Variants in NRG3 observed in about 807,000 individuals in gnomAD.
The protein encoded by NRG3 is pro-neuregulin-3, membrane-bound isoform.
A neutral mutation model predicts 66.9 loss-of-function variants in NRG3; 31 were observed. The observed-to-expected ratio is 0.46, with a 90% CI of 0.35 to 0.63. NRG3 has a LOEUF of 0.63. NRG3 is among the 20% of genes least tolerant of loss of function. The pLI, the probability that NRG3 is intolerant of heterozygous loss-of-function variation, is 0.00. For synonymous variants in NRG3, 393 were observed against 359.4 expected (o/e 1.09, Z -1.06); for missense variants, 910 against 878.9 (o/e 1.04, Z -0.45).
In NRG3 at chr10:82,365,136, A is replaced by C. The variant is rs149736826; in HGVS notation, c.953+6268A>C. Among the ~76,000 whole-genome samples the C allele has an allele frequency of 2.2e-3, 330 of 152,306 alleles. 2 individuals are homozygous for C. Among genetic ancestry groups the C allele is most frequent in the African/African-American group, 7.4e-3 (308 of 41,572 alleles). On this transcript the variant is annotated intron_variant, in intron 2 of 8. Coordinates refer to ENST00000372141, the MANE Select transcript of NRG3 (RefSeq NM_001010848.4). ...TGGAGGTCCATTAGCTCTTCCATTC[A>C]GTGAGGGTCCTCTATATCAAATGGT... is the stretch of plus-strand genomic sequence containing the variant.
At chr10:81,941,990 G>C (rs1320884948) in intron 1 of NRG3, among the ~76,000 whole-genome samples, 1 of 152,218 alleles carries the variant, frequency 6.6e-6, no homozygotes, top group East Asian at 1.9e-4. Context: ...CATTTTAGAA[G>C]TCATTTTATC....
chr10:82,190,050 A>G (rs2074046080), intron 1 of NRG3, among the ~76,000 whole-genome samples: 1 of 152,176 alleles, frequency 6.6e-6, no homozygotes, highest in South Asian at 2.1e-4. Flanking sequence ...TATGGCATGC[A>G]GTTCAGAACG....
At chr10:82,494,743 A>G (rs1159572717) in intron 2 of NRG3, among the ~76,000 whole-genome samples, 2 of 152,032 alleles carry the variant, frequency 1.3e-5, no homozygotes, top group African/African-American at 4.8e-5. Context: ...CTTTGTTAAT[A>G]ATCAGTGTGT....
chr10:82,916,472 G>A (rs1845838192), intron 4 of NRG3, among the ~76,000 whole-genome samples: 1 of 151,834 alleles, frequency 6.6e-6, no homozygotes, highest in Non-Finnish European at 1.5e-5. Context: ...AAAGGTGGGG[G>A]AACAAAAATA....
intron 1 of NRG3, among the ~76,000 whole-genome samples, chr10:82,189,949 C>T (rs576126809): frequency 1.4e-4 from 22 of 151,900 alleles, no homozygotes; most frequent in Admixed American, 5.2e-4. Flanking sequence ...GACAACAGAG[C>T]GAGACCCCGC....
At chr10:82,469,981 A>G (rs1841089259) in intron 2 of NRG3, among the ~76,000 whole-genome samples, 1 of 152,146 alleles carries the variant, frequency 6.6e-6, no homozygotes, top group Non-Finnish European at 1.5e-5. Context: ...CACCTAGTCA[A>G]TTGTACAAAA....
chr10:81,975,351 ATC>A (rs1554873708), intron 1 of NRG3, among the ~76,000 whole-genome samples: 5 of 151,744 alleles, frequency 3.3e-5, no homozygotes, highest in Non-Finnish European at 7.4e-5. Context: ...CTATCTATCT[ATC>A]TATCTATCTA....
At chr10:82,057,276 C>G (rs12765720) in intron 1 of NRG3, among the ~76,000 whole-genome samples, 3 of 151,142 alleles carry the variant, frequency 2.0e-5, no homozygotes, top group East Asian at 2.0e-4. Flanking sequence ...TTATCAAATA[C>G]GTATGTATAA....
chr10:82,093,813 AG>A (rs1224540111), intron 1 of NRG3, among the ~76,000 whole-genome samples: 1 of 152,196 alleles, frequency 6.6e-6, no homozygotes, highest in Non-Finnish European at 1.5e-5. Context: ...AGAACCTGTC[AG>A]GGGAGATAAT....
intron 1 of NRG3, among the ~76,000 whole-genome samples, chr10:82,194,870 C>A (rs2133392883): frequency 6.6e-6 from 1 of 152,276 alleles, no homozygotes; most frequent in Non-Finnish European, 1.5e-5. Flanking sequence ...AGGTTGATCT[C>A]TTTTTCCACA....
At chr10:82,807,565 T>C (rs1394809405) in intron 3 of NRG3, among the ~76,000 whole-genome samples, 1 of 152,186 alleles carries the variant, frequency 6.6e-6, no homozygotes, top group Non-Finnish European at 1.5e-5. Context: ...TCCTTTCTTG[T>C]TGGAATTTAA....
At chr10:82,170,334 G>A (rs2072470152) in intron 1 of NRG3, among the ~76,000 whole-genome samples, 1 of 151,916 alleles carries the variant, frequency 6.6e-6, no homozygotes, top group African/African-American at 2.4e-5. Context: ...CAAGCATGTG[G>A]CCGGGTCTTC....
In NRG3 at chr10:82,261,553, G is replaced by A. The variant is rs147783953; in HGVS notation, c.824-97186G>A. On this transcript the variant is annotated intron_variant, in intron 1 of 8. Transcript: ENST00000372141. ...AATATAGAGTGTGGAGTGGGATCAGGGGACTGACAGCCTTCAGAGCTGAGA... is the reference window on the plus strand; with the variant it reads ...AATATAGAGTGTGGAGTGGGATCAGAGGACTGACAGCCTTCAGAGCTGAGA... Among the ~76,000 whole-genome samples, 65 of 152,290 alleles carry A rather than the reference G, an allele frequency of 4.3e-4. No homozygotes were observed. The East Asian group carries it at 0.011, about 27-fold the overall frequency.
intron 4 of NRG3, among the ~76,000 whole-genome samples, chr10:82,888,206 C>G (rs1417751455): frequency 6.6e-6 from 1 of 152,148 alleles, no homozygotes; most frequent in Non-Finnish European, 1.5e-5. Flanking sequence ...CAATTCTATA[C>G]TCTAACACAG....
At chr10:82,766,766 T>C (rs2059528743) in intron 3 of NRG3, among the ~76,000 whole-genome samples, 1 of 151,986 alleles carries the variant, frequency 6.6e-6, no homozygotes, top group African/African-American at 2.4e-5. Context: ...CATCAGTCAG[T>C]TTGACTGATA....
At chr10:81,917,517 G>T (rs144352950) in intron 1 of NRG3, among the ~76,000 whole-genome samples, 3,308 of 152,268 alleles carry the variant, frequency 0.022, 78 homozygotes, top group South Asian at 0.082. Context: ...CAAAATAAGA[G>T]AAGTGTTTGT....
intron 3 of NRG3, among the ~76,000 whole-genome samples, chr10:82,794,117 A>G (rs759392181): frequency 5.3e-5 from 8 of 151,832 alleles, no homozygotes; most frequent in Non-Finnish European, 1.0e-4. Context: ...CTGATTTTCT[A>G]TTTTTCTCTT....
intron 1 of NRG3, among the ~76,000 whole-genome samples, chr10:82,198,966 C>T (rs1274670492): frequency 2.7e-5 from 4 of 150,110 alleles, no homozygotes; most frequent in Non-Finnish European, 1.5e-5. Context: ...CACTGCACTC[C>T]AGCCTGGGCA....
At chr10:82,783,795 T>C (rs2060222854) in intron 3 of NRG3, among the ~76,000 whole-genome samples, 1 of 152,142 alleles carries the variant, frequency 6.6e-6, no homozygotes, top group Non-Finnish European at 1.5e-5. Flanking sequence ...AGGTAATTTA[T>C]AGCTTCAATG....
Sources: allele counts gnomAD v4.1 joint callset (sites outside exome capture counted in the v4.1 genomes callset), GRCh38; gene constraint gnomAD v4.1.1; transcripts MANE v1.5; gene names NCBI Gene and HGNC (gene_info 2026-07-23, HGNC 2026-07-21).